Variants in SGSM3 observed in about 807,000 individuals in gnomAD.
SGSM3 encodes the protein RUN and SH3 containing 3.
A neutral mutation model predicts 100.5 loss-of-function variants in SGSM3; 96 were observed. That is an observed-to-expected ratio of 0.96 (90% CI 0.81 to 1.13). The LOEUF is 1.13. Ranked by LOEUF, SGSM3 falls within the 50% of genes most tolerant of loss-of-function variation. The probability of loss-of-function intolerance (pLI) is 0.00; values close to 1 mark genes in which losing one functional copy is unlikely to be tolerated. For missense variants in SGSM3, 1,001 were observed against 1,015.8 expected, an observed-to-expected ratio of 0.99 and a Z score of 0.20; for synonymous variants, 483 against 422.8, an observed-to-expected ratio of 1.14 and a Z score of -1.75.
At chr22:40,377,386 C>T (rs776546650) in intron 1 of SGSM3, among the ~76,000 whole-genome samples, 32 of 152,356 alleles carry the variant, frequency 2.1e-4, no homozygotes, top group Non-Finnish European at 4.0e-4. Flanking sequence ...TTGTTTTCAA[C>T]GAGCTGAGTC....
Position 40,405,190 on chromosome 22 carries a change from G to A in SGSM3, c.524G>A (p.Ser175Asn). The part of the protein sequence containing the change: ...RTMPSNACFA[S>N]MGSIGVPRLR... ...ATGCCCAGCAACGCCTGCTTCGCCAGCATGGGTAGCATCGGGGTGCCCCGC... is the reference window on the plus strand; with the variant it reads ...ATGCCCAGCAACGCCTGCTTCGCCAACATGGGTAGCATCGGGGTGCCCCGC... Residue 175 changes from serine to asparagine, a missense_variant, in exon 7 of 22, where the codon AGC becomes AAC. Transcript: ENST00000248929. 6.3e-7 allele frequency: 1 copy of A among 1,587,274 alleles called. No homozygotes were observed. The highest frequency in any genetic ancestry group is 8.6e-7 in the Non-Finnish European group (1 of 1,165,532).
Position 40,405,283 on chromosome 22 carries a change from T to G in SGSM3, c.617T>G (p.Met206Arg). The change falls in exon 7 of 22, where the codon ATG (methionine) becomes AGG (arginine). Residue 206 changes from methionine to arginine, a missense_variant and splice_region_variant. Met to Arg is a moderately conservative substitution (Grantham distance 91). Coordinates refer to ENST00000248929, the MANE Select transcript of SGSM3 (RefSeq NM_015705.6). The stretch of plus-strand genomic sequence containing the variant: ...ATCGGCTACTGCCAGGGCACCGGCA[T>G]GGTGAGCACAGCCCCAGAAAGGGCA... ...PEIGYCQGTG[M>R]VAACLLLFLE... The G allele has an allele frequency of 1.3e-6, 2 of 1,501,114 alleles. No homozygotes were observed. Among genetic ancestry groups the G allele is most frequent in the Non-Finnish European group, 8.9e-7 (1 of 1,123,948 alleles). 93.0% of individuals were successfully genotyped at this position (1,501,114 alleles called of 1,614,324 possible).
At chr22:40,404,901 CTAAATA>C (rs1216134489) in intron 6 of SGSM3, among the ~76,000 whole-genome samples, 1 of 152,170 alleles carries the variant, frequency 6.6e-6, no homozygotes, top group Non-Finnish European at 1.5e-5. Context: ...GATGGGGACT[CTAAATA>C]TAGACTCCAG....
intron 1 of SGSM3, among the ~76,000 whole-genome samples, chr22:40,385,729 G>A (rs1438733564): frequency 6.6e-6 from 1 of 152,212 alleles, no homozygotes; most frequent in Non-Finnish European, 1.5e-5. Context: ...ATCGCTGAAG[G>A]AAATATGATG....
In SGSM3 at chr22:40,404,295, A is replaced by C; in HGVS notation, c.206A>C (p.Glu69Ala). The C allele has an allele frequency of 6.5e-7, 1 of 1,544,434 alleles. No homozygotes were observed. Among genetic ancestry groups the C allele is most frequent in the Non-Finnish European group, 8.7e-7 (1 of 1,144,428 alleles). The change falls in exon 5 of 22, where the codon GAG becomes GCG. Residue 69 changes from glutamate to alanine, a missense_variant. By Grantham distance (107) the Glu-to-Ala change is moderately radical. Transcript: ENST00000248929. ...CTGCTGGCGAACTCCCCTCTGATGG[A>C]GGATGCTCCACAGAGGCTGCGGTGG... is the stretch of plus-strand genomic sequence containing the variant. Reference protein sequence around the residue: ...SSLLANSPLMEDAPQRLRWQA... With the variant: ...SSLLANSPLMADAPQRLRWQA...
rs569889494 is a variant in SGSM3 at position 40,409,855 on chromosome 22, C to T, written c.*96C>T. The T allele has an allele frequency of 3.2e-5, 47 of 1,487,272 alleles. No homozygotes were observed. Among genetic ancestry groups the T allele is most frequent in the South Asian group, 1.1e-4 (8 of 74,286 alleles). The allele number at this position is 1,487,272 out of a possible 1,614,324, so 92.1% of individuals were successfully genotyped here. ...GGAAGAGCAGCTCCAGAGCCCTGGC[C>T]GGGGCCGCGGGATATCAATATCAGG... On this transcript the variant is annotated 3_prime_UTR_variant, in exon 22 of 22. Transcript: ENST00000248929.
chr22:40,409,405 TG>T, intron 20 of SGSM3, 33 bp downstream of exon 20: 1 of 1,574,540 alleles, frequency 6.4e-7, no homozygotes, highest in Non-Finnish European at 8.6e-7. Context: ...GGGATGGAGG[TG>T]GGGTGGGAAG....
At chr22:40,399,191 G>A (rs1402117942) in intron 1 of SGSM3, among the ~76,000 whole-genome samples, 1 of 142,192 alleles carries the variant, frequency 7.0e-6, no homozygotes, top group Non-Finnish European at 1.5e-5. Flanking sequence ...TCACCATGGT[G>A]GCCAAGCTGG....
In SGSM3 at chr22:40,399,111, GTAGCTGCGAT is replaced by G. The variant is rs2050403661; in HGVS notation, c.-111-1582_-111-1573del. ...CAATTCTTGTGCCTCAGCCTCTCAA[GTAGCTGCGAT>G]TACAGGGATGCATCACCATGCCTGG... On this transcript the variant is annotated intron_variant, in intron 1 of 21. Coordinates refer to ENST00000248929, the MANE Select transcript of SGSM3 (RefSeq NM_015705.6). 1.4e-5 allele frequency among the ~76,000 whole-genome samples: 2 copies of G among 140,136 alleles called. 1 individual carries two copies. Among genetic ancestry groups the G allele is most frequent in the Admixed American group, 1.7e-4 (2 of 12,020 alleles). The allele number at this position is 140,136 out of a possible 152,430, so 91.9% of individuals were successfully genotyped here.
At position 40,408,951 on chromosome 22, in the gene SGSM3, G is replaced by A. The variant is rs778250225; in HGVS notation, c.1921G>A (p.Val641Met). ...LLYRAVQSVN[V>M]THDAVHAQMD... ...TTCCCAGGCTGTGCAGTCTGTGAACGTGACCCACGATGCAGTGCATGCACA... is the reference window on the plus strand; with the variant it reads ...TTCCCAGGCTGTGCAGTCTGTGAACATGACCCACGATGCAGTGCATGCACA... The change falls in exon 19 of 22, where the codon GTG becomes ATG. Residue 641 changes from valine (V) to methionine (M), a missense_variant. Val to Met is a conservative substitution (Grantham distance 21). Coordinates refer to ENST00000248929, the MANE Select transcript of SGSM3 (RefSeq NM_015705.6). 2.5e-5 allele frequency: 41 copies of A among 1,609,142 alleles called. No individual in the cohort carries two copies. The East Asian group carries it at 3.8e-4, about 15-fold the overall frequency.
chr22:40,395,105 T>C (rs1222988344), intron 1 of SGSM3, among the ~76,000 whole-genome samples: 5 of 152,194 alleles, frequency 3.3e-5, no homozygotes, highest in South Asian at 4.1e-4. Flanking sequence ...AAGAACTTTG[T>C]CCATCTTGTT....
intron 6 of SGSM3, 73 bp from the exon 7 acceptor site, chr22:40,405,068 C>T: frequency 1.4e-6 from 2 of 1,442,338 alleles, no homozygotes; most frequent in Non-Finnish European, 1.8e-6. Flanking sequence ...GGGGAGAAGC[C>T]CGCCTGGGGT....
Position 40,408,607 on chromosome 22 carries a change from A to ACCGTGTGCTGTCCCCACAGG in SGSM3, c.1783-18_1784dup. ...AGCATCTTCCTGTCCCTGCACTCACACCGTGTGCTGTCCCCACAGGCTGCA... is the reference window on the plus strand; with the variant it reads ...AGCATCTTCCTGTCCCTGCACTCACACCGTGTGCTGTCCCCACAGGCCGTGTGCTGTCCCCACAGGCTGCA... On this transcript the variant is annotated intron_variant, in intron 16 of 21. Coordinates refer to ENST00000248929, the MANE Select transcript of SGSM3 (RefSeq NM_015705.6). 1 of 1,613,294 alleles carries ACCGTGTGCTGTCCCCACAGG rather than the reference A, an allele frequency of 6.2e-7. No homozygotes were observed. The highest frequency in any genetic ancestry group is 8.5e-7 in the Non-Finnish European group (1 of 1,179,594).
At chr22:40,405,348 G>T in intron 7 of SGSM3, 64 bp downstream of exon 7, 1 of 1,393,076 alleles carries the variant, frequency 7.2e-7, no homozygotes, top group Non-Finnish European at 9.4e-7. Flanking sequence ...CTAACAAGGA[G>T]TGGCCTCCCG....
At chr22:40,398,966 A>T (rs77073961) in intron 1 of SGSM3, among the ~76,000 whole-genome samples, 3 of 139,352 alleles carry the variant, frequency 2.2e-5, no homozygotes, top group Non-Finnish European at 4.6e-5. Flanking sequence ...TAGCAGAGCT[A>T]GGATTGGACT....
At chr22:40,382,999 A>C (rs1334921026) in intron 1 of SGSM3, among the ~76,000 whole-genome samples, 1 of 152,224 alleles carries the variant, frequency 6.6e-6, no homozygotes, top group Non-Finnish European at 1.5e-5. Context: ...ATACTATGGA[A>C]GGTTTATTTG....
At chr22:40,380,753 T>C (rs1052762318) in intron 1 of SGSM3, among the ~76,000 whole-genome samples, 8 of 152,026 alleles carry the variant, frequency 5.3e-5, no homozygotes, top group Non-Finnish European at 1.5e-5. Context: ...CTGGGCAACA[T>C]AGTAAGACCC....
At chr22:40,390,315 C>T (rs2049178970) in intron 1 of SGSM3, 2 of 152,158 alleles carry the variant, frequency 1.3e-5, no homozygotes, top group African/African-American at 4.8e-5. Context: ...AACATGTAGC[C>T]TTTATTTTAT....
intron 1 of SGSM3, among the ~76,000 whole-genome samples, chr22:40,392,969 CATA>C (rs1037217944): frequency 3.9e-4 from 60 of 152,308 alleles, no homozygotes; most frequent in African/African-American, 1.4e-3. Context: ...TTTCACTGAG[CATA>C]ATATTTTCAA....
Sources: allele counts gnomAD v4.1 joint callset (sites outside exome capture counted in the v4.1 genomes callset), GRCh38; gene constraint gnomAD v4.1.1; transcripts MANE v1.5; gene names NCBI Gene and HGNC (gene_info 2026-07-23, HGNC 2026-07-21).